Variants in SEMA3A observed in about 807,000 individuals in gnomAD.
The protein encoded by SEMA3A is semaphorin-3A.
Under a neutral mutation model 97.9 loss-of-function variants are expected in SEMA3A, and 29 were observed. That is an observed-to-expected ratio of 0.30 (90% CI 0.22 to 0.40). The LOEUF (loss-of-function observed/expected upper bound fraction) is 0.40, where lower values mean the gene tolerates loss of function less well. Among genes scored for constraint, SEMA3A ranks in the 10% least tolerant of loss-of-function variants. The probability of loss-of-function intolerance (pLI) is 1.00; values close to 1 mark genes in which losing one functional copy is unlikely to be tolerated. For synonymous variants in SEMA3A, 321 were observed against 323.7 expected, an observed-to-expected ratio of 0.99 and a Z score of 0.09; for missense variants, 763 against 951.3, an observed-to-expected ratio of 0.80 and a Z score of 2.60.
In SEMA3A at chr7:84,413,435, C is replaced by T. The variant is rs115551047; in HGVS notation, c.-245-41535G>A. Among the ~76,000 whole-genome samples the T allele has an allele frequency of 7.7e-3, 1,169 of 152,076 alleles. 18 individuals carry two copies. Among genetic ancestry groups the T allele is most frequent in the African/African-American group, 0.026 (1,082 of 41,476 alleles). ...TTGAGCCCAGAAGTTTGAGACCAGCCGAGGAAACATGGCAAAACCCTGTCT... is the reference window on the plus strand; with the variant it reads ...TTGAGCCCAGAAGTTTGAGACCAGCTGAGGAAACATGGCAAAACCCTGTCT... On this transcript the variant is annotated intron_variant, in intron 1 of 3. Coordinates refer to the SEMA3A transcript ENST00000424555.
chr7:84,203,500 G>GTATATATATA (rs1554345503), intron 3 of SEMA3A, among the ~76,000 whole-genome samples: 8 of 74,652 alleles, frequency 1.1e-4, no homozygotes, highest in African/African-American at 3.9e-4. Context: ...CTTTGTGTGT[G>GTATATATATA]TGTATATATA....
chr7:84,410,857 G>A (rs771624491), intron 1 of SEMA3A, among the ~76,000 whole-genome samples: 6 of 152,002 alleles, frequency 3.9e-5, no homozygotes, highest in Non-Finnish European at 8.8e-5. Flanking sequence ...CTATTTGACC[G>A]TTTTCCCAGG....
At chr7:84,279,764 G>A (rs473880) in intron 3 of SEMA3A, among the ~76,000 whole-genome samples, 67,841 of 152,072 alleles carry the variant, frequency 0.45, 16,105 homozygotes, top group East Asian at 0.61. Flanking sequence ...ACTTCTTGAA[G>A]TTAGTCAAAT....
chr7:84,325,038 A>G (rs1801738256), intron 2 of SEMA3A, among the ~76,000 whole-genome samples: 1 of 152,178 alleles, frequency 6.6e-6, no homozygotes, highest in Admixed American at 6.5e-5. Flanking sequence ...AACAGAATAA[A>G]TGCTATATAT....
chr7:84,114,746 C>T (rs1168654907), intron 3 of SEMA3A, among the ~76,000 whole-genome samples: 1 of 152,066 alleles, frequency 6.6e-6, no homozygotes, highest in Non-Finnish European at 1.5e-5. Flanking sequence ...AGCTTTTCCA[C>T]ACTTATCTGG....
intron 1 of SEMA3A, among the ~76,000 whole-genome samples, chr7:84,463,749 T>C (rs1261722864): frequency 2.0e-5 from 3 of 152,112 alleles, no homozygotes; most frequent in South Asian, 2.1e-4. Flanking sequence ...ATTGAACCTA[T>C]ATAAAACTAT....
At chr7:84,492,138 C>G (rs1330038260) in intron 1 of SEMA3A, among the ~76,000 whole-genome samples, 1 of 152,078 alleles carries the variant, frequency 6.6e-6, no homozygotes, top group Non-Finnish European at 1.5e-5. Context: ...AAAATACTTG[C>G]AACCATCATT....
chr7:84,006,393 G>GTGT (rs1483186452), intron 10 of SEMA3A, among the ~76,000 whole-genome samples: 1 of 151,924 alleles, frequency 6.6e-6, no homozygotes, highest in Non-Finnish European at 1.5e-5. Context: ...TTAAGGAAAA[G>GTGT]TGTTATTCAA....
chr7:84,242,381 C>A (rs148008112), intron 3 of SEMA3A, among the ~76,000 whole-genome samples: 5,779 of 152,206 alleles, frequency 0.038, 163 homozygotes, highest in Middle Eastern at 0.075. Flanking sequence ...ATTTAATTAT[C>A]TTTGTAGCAA....
intron 13 of SEMA3A, among the ~76,000 whole-genome samples, chr7:83,984,157 A>C (rs913540036): frequency 3.3e-5 from 5 of 152,240 alleles, no homozygotes; most frequent in African/African-American, 1.2e-4. Context: ...GAGTTAGTGC[A>C]ATTAAGACTG....
At chr7:84,242,010 A>G (rs189497806) in intron 3 of SEMA3A, among the ~76,000 whole-genome samples, 36 of 152,262 alleles carry the variant, frequency 2.4e-4, no homozygotes, top group Non-Finnish European at 1.3e-4. Context: ...TACCAACACC[A>G]TGCTGTTTTG....
intron 3 of SEMA3A, among the ~76,000 whole-genome samples, chr7:84,216,143 A>C (rs1366252887): frequency 6.6e-6 from 1 of 152,124 alleles, no homozygotes; most frequent in Non-Finnish European, 1.5e-5. Context: ...ATCTCAGCTC[A>C]CTGCCACCAT....
intron 3 of SEMA3A, among the ~76,000 whole-genome samples, chr7:84,203,461 T>A (rs1325957013): frequency 6.9e-6 from 1 of 145,252 alleles, no homozygotes; most frequent in Non-Finnish European, 1.5e-5. Flanking sequence ...AGAAATCTCC[T>A]AGTTTTAACA....
At chr7:84,324,246 G>A (rs1447695514) in intron 2 of SEMA3A, among the ~76,000 whole-genome samples, 3 of 152,084 alleles carry the variant, frequency 2.0e-5, no homozygotes, top group Non-Finnish European at 4.4e-5. Context: ...TCCATAGGAT[G>A]GTTTCCTTCA....
chr7:84,129,787 G>A (rs1413153482), intron 2 of SEMA3A, among the ~76,000 whole-genome samples: 2 of 151,642 alleles, frequency 1.3e-5, no homozygotes, highest in South Asian at 4.2e-4. Flanking sequence ...AGAAATAAAG[G>A]TAGACTGAAG....
chr7:84,041,945 C>G (rs10499879), intron 6 of SEMA3A, among the ~76,000 whole-genome samples: 1 of 151,998 alleles, frequency 6.6e-6, no homozygotes, highest in Admixed American at 6.6e-5. Flanking sequence ...GATACTCTGA[C>G]GTTTTTTATG....
chr7:83,976,379 T>A (rs1789149647), intron 15 of SEMA3A, among the ~76,000 whole-genome samples: 1 of 152,182 alleles, frequency 6.6e-6, no homozygotes, highest in Non-Finnish European at 1.5e-5. Context: ...TTCAGCCATT[T>A]TTAACTATGT....
chr7:84,111,172 T>C lies in SEMA3A; in HGVS notation c.334-583A>G, dbSNP rs76189972. ...TTGTTAAAGGCTATAGACTTTCTTA[T>C]CTACTTTCTTTTTTCTATAAACATT... On this transcript the variant is annotated intron_variant, in intron 3 of 16. Transcript: ENST00000265362. Among the ~76,000 whole-genome samples the C allele has an allele frequency of 5.4e-3, 815 of 152,322 alleles. 7 individuals carry two copies. Among genetic ancestry groups the C allele is most frequent in the East Asian group, 0.017 (89 of 5,180 alleles).
At chr7:84,049,471 A>C (rs1256729787) in intron 5 of SEMA3A, among the ~76,000 whole-genome samples, 1 of 152,082 alleles carries the variant, frequency 6.6e-6, no homozygotes, top group Non-Finnish European at 1.5e-5. Flanking sequence ...CTTATTTCTC[A>C]TTAAGTAGAA....
Sources: gnomAD v4.1 joint callset for allele counts (sites outside exome capture counted in the v4.1 genomes callset) on GRCh38, gnomAD v4.1.1 for gene constraint, MANE v1.5 for transcripts, NCBI Gene and HGNC (gene_info 2026-07-23, HGNC 2026-07-21) for gene names.